MYCBP2: variants seen among roughly 807,000 people sequenced by gnomAD.
MYCBP2 encodes the protein MYC binding protein 2.
MYCBP2 carries 120 observed loss-of-function variants against 525.3 expected under a neutral mutation model. The observed-to-expected ratio is 0.23, with a 90% confidence interval of 0.20 to 0.27. The LOEUF is 0.27. Ranked by LOEUF, MYCBP2 falls within the 10% of genes least tolerant of loss-of-function variation. The pLI is 1.00. For synonymous variants in MYCBP2, 1,894 were observed against 1,955.8 expected, an observed-to-expected ratio of 0.97 and a Z score of 0.83; for missense variants, 4,149 against 5,657.1, an observed-to-expected ratio of 0.73 and a Z score of 8.55.
In MYCBP2 at chr13:77,185,456, T is replaced by A. The variant is rs1480249250; in HGVS notation, c.4445-79A>T. On this transcript the variant is annotated intron_variant, in intron 31 of 82. Transcript: ENST00000544440. ...AAAACAATCAATATAATTCAGTAAT[T>A]CCCTATACAGCTAAGTATCACAAGT... 3 of 1,393,342 alleles carry A rather than the reference T, an allele frequency of 2.2e-6. No individual in the cohort carries two copies. In the African/African-American group the frequency reaches 4.3e-5, roughly 20 times the overall value. The allele number at this position is 1,393,342 out of a possible 1,614,324, so 86.3% of individuals were successfully genotyped here. A position where few individuals can be genotyped will look rare whatever the true frequency, so the allele number is the denominator to read the frequency against.
At chr13:77,309,161 A>G (rs1045066490) in intron 1 of MYCBP2, among the ~76,000 whole-genome samples, 2 of 152,082 alleles carry the variant, frequency 1.3e-5, no homozygotes, top group Admixed American at 1.3e-4. Flanking sequence ...ATTTCTAAAT[A>G]CTCCCATGTC....
chr13:77,103,262 T>C, intron 55 of MYCBP2: 2 of 397,892 alleles, frequency 5.0e-6, no homozygotes, highest in East Asian at 3.6e-5. Flanking sequence ...AGCTACACCA[T>C]AATTTTTGTA....
chr13:77,141,323 T>C (rs561665416), intron 49 of MYCBP2, among the ~76,000 whole-genome samples: 1 of 152,320 alleles, frequency 6.6e-6, no homozygotes, highest in East Asian at 1.9e-4. Flanking sequence ...GTAGCATGGT[T>C]GTGAGAAGCT....
In MYCBP2 at chr13:77,278,875, T is replaced by A. The variant is rs2075898952; in HGVS notation, c.631A>T (p.Ile211Phe). 2 of 1,596,394 alleles carry A rather than the reference T, an allele frequency of 1.3e-6. No homozygotes were observed. The highest frequency in any genetic ancestry group is 1.7e-6 in the Non-Finnish European group (2 of 1,172,032). Reference protein sequence around the residue: ...EVGLCEVFELIKETRFSHPSL... With the variant: ...EVGLCEVFELFKETRFSHPSL... Reference sequence around the variant, plus strand: ...GGATGAGAAAATCGTGTCTCTTTGATCAATTCAAAAACTTCACAAAGGCCA... The same window carrying A: ...GGATGAGAAAATCGTGTCTCTTTGAACAATTCAAAAACTTCACAAAGGCCA... Residue 211 changes from isoleucine (I) to phenylalanine (F), a missense_variant, in exon 4 of 83, where the codon ATC becomes TTC. Transcript: ENST00000544440.
chr13:77,128,013 GA>G (rs1274394498), intron 52 of MYCBP2, among the ~76,000 whole-genome samples: 4 of 151,630 alleles, frequency 2.6e-5, no homozygotes, highest in Non-Finnish European at 5.9e-5. Context: ...AAATTTAACG[GA>G]AATGAGAATT....
In MYCBP2 at chr13:77,240,661, T is replaced by C. The variant is rs561768228; in HGVS notation, c.2629+2398A>G. On this transcript the variant is annotated intron_variant, in intron 17 of 82. Transcript: ENST00000544440. ...CAAAACATACAAGCAGGCATCACTT[T>C]GCATAGTGCTGTGTTAACTGAAACA... is the stretch of plus-strand genomic sequence containing the variant. Among the ~76,000 whole-genome samples, 3 of 152,224 alleles carry C rather than the reference T, an allele frequency of 2.0e-5. No homozygotes were observed. The South Asian group carries it at 6.2e-4, about 32-fold the overall frequency.
rs1491250598 is a variant in MYCBP2, at chr13:77,294,105, T to TATATATATATATATAC, written c.378+2493_378+2494insGTATATATATATATAT. Among the ~76,000 whole-genome samples, 50 of 7,902 alleles carry TATATATATATATATAC rather than the reference T, an allele frequency of 6.3e-3. 2 individuals are homozygous for TATATATATATATATAC. In the East Asian group the frequency reaches 0.068, roughly 11 times the overall value. 5.2% of individuals were successfully genotyped at this position (7,902 alleles called of 152,430 possible). A position where few individuals can be genotyped will look rare whatever the true frequency, so the allele number is the denominator to read the frequency against. ...ATAGCCATAAAGTAGATATAATGGC[T>TATATATATATATATAC]ATATATATATATATATATATATATA... On this transcript the variant is annotated intron_variant, in intron 2 of 82. Coordinates refer to ENST00000544440, the MANE Select transcript of MYCBP2 (RefSeq NM_015057.5).
At chr13:77,061,387 T>C (rs2039270532) in intron 75 of MYCBP2, 86 bp from the exon 76 acceptor site, 2 of 1,192,976 alleles carry the variant, frequency 1.7e-6, no homozygotes, top group Non-Finnish European at 2.3e-6. Flanking sequence ...TCAATAATAA[T>C]AATGGCTTTC....
At chr13:77,157,735 G>A (rs2057384142) in intron 45 of MYCBP2, among the ~76,000 whole-genome samples, 1 of 152,152 alleles carries the variant, frequency 6.6e-6, no homozygotes, top group African/African-American at 2.4e-5. Flanking sequence ...GGGCAACACA[G>A]TGAGACCCTC....
intron 68 of MYCBP2, among the ~76,000 whole-genome samples, chr13:77,075,181 C>T (rs1248754279): frequency 6.6e-6 from 1 of 152,112 alleles, no homozygotes; most frequent in Non-Finnish European, 1.5e-5. Context: ...GCACTCTATC[C>T]TGGATGACAG....
intron 47 of MYCBP2, among the ~76,000 whole-genome samples, chr13:77,149,568 T>A (rs2056151436): frequency 6.6e-6 from 1 of 152,156 alleles, no homozygotes; most frequent in African/African-American, 2.4e-5. Context: ...TGAATCCTTT[T>A]CTTGAGGTCA....
Position 77,181,768 on chromosome 13 carries a change from G to A in MYCBP2, c.4874C>T (p.Thr1625Ile). Reference protein sequence around the residue: ...LLRSIVKQVSTENDSTLVHRF... With the variant: ...LLRSIVKQVSIENDSTLVHRF... Reference sequence around the variant, plus strand: ...ATGAACTAGTGTTGAGTCGTTCTCTGTACTAACTTGTTTAACAATTGATCG... The same window carrying A: ...ATGAACTAGTGTTGAGTCGTTCTCTATACTAACTTGTTTAACAATTGATCG... Residue 1625 changes from threonine to isoleucine, a missense_variant, in exon 33 of 83, where the codon ACA becomes ATA. Coordinates refer to ENST00000544440, the MANE Select transcript of MYCBP2 (RefSeq NM_015057.5). The A allele has an allele frequency of 6.2e-7, 1 of 1,614,112 alleles. No homozygotes were observed. The highest frequency in any genetic ancestry group is 8.5e-7 in the Non-Finnish European group (1 of 1,179,988).
chr13:77,290,695 A>G (rs891584402), intron 2 of MYCBP2, among the ~76,000 whole-genome samples: 1 of 152,208 alleles, frequency 6.6e-6, no homozygotes, highest in African/African-American at 2.4e-5. Flanking sequence ...GGTTGCCAGA[A>G]GCTAAGGAGA....
chr13:77,095,408 A>G lies in MYCBP2; in HGVS notation c.10149T>C (p.Ser3383=). ...AAGGCATTTTCACAGGAAGATCCTC[A>G]GAAATGCCTTCTTTTACACTGGGCA... ...SQLPSVKEGI[S]EDLPVKMPCL... is the part of the protein sequence containing the mutation. The change falls in exon 58 of 83, where the codon TCT becomes TCC. Residue 3383 remains serine, a synonymous_variant. Transcript: ENST00000544440. 1 of 1,613,474 alleles carries G rather than the reference A, an allele frequency of 6.2e-7. No homozygotes were observed. The highest frequency in any genetic ancestry group is 8.5e-7 in the Non-Finnish European group (1 of 1,179,660).
intron 44 of MYCBP2, among the ~76,000 whole-genome samples, chr13:77,159,268 A>G (rs2057581396): frequency 1.3e-5 from 2 of 152,212 alleles, no homozygotes; most frequent in South Asian, 4.1e-4. Context: ...AATTCAAACT[A>G]AATAATGCAT....
chr13:77,065,687 T>C (rs1229101079), intron 72 of MYCBP2, among the ~76,000 whole-genome samples: 1 of 152,210 alleles, frequency 6.6e-6, no homozygotes, highest in Non-Finnish European at 1.5e-5. Flanking sequence ...CCTCTTTTTT[T>C]CCTTTAGGTT....
chr13:77,089,079 T>C (rs760480776), intron 60 of MYCBP2, 48 bp from the exon 61 acceptor site: 2 of 1,330,774 alleles, frequency 1.5e-6, no homozygotes, highest in South Asian at 2.8e-5. Context: ...AGTGCATATA[T>C]ATTTAAGATA....
Position 77,144,493 on chromosome 13 carries a change from C to A in MYCBP2, c.7255G>T (p.Ala2419Ser), listed in dbSNP as rs1276238906. ...ACATGAAGAGTGTAGAGTCCAATAG[C>A]CCCTGGAGTCCAATTTGCACAATAA... ...GTYCANWTPG[A>S]IGLYTLHVTI... Residue 2419 changes from alanine to serine, a missense_variant, in exon 49 of 83, where the codon GCT (alanine) becomes TCT (serine). Transcript: ENST00000544440. The A allele has an allele frequency of 3.7e-6, 6 of 1,613,662 alleles. No individual in the cohort carries two copies. The highest frequency in any genetic ancestry group is 5.1e-6 in the Non-Finnish European group (6 of 1,179,820).
Position 77,081,869 on chromosome 13 carries a change from T to C in MYCBP2, c.11161A>G (p.Ser3721Gly), listed in dbSNP as rs576723449. 6.2e-7 allele frequency: 1 copy of C among 1,613,732 alleles called. No individual in the cohort carries two copies. The highest frequency in any genetic ancestry group is 8.5e-7 in the Non-Finnish European group (1 of 1,179,772). The change falls in exon 64 of 83, where the codon AGT (serine) becomes GGT (glycine). Residue 3721 changes from serine to glycine, a missense_variant. This residue lies in a region of MYCBP2 where 509 missense variants were observed against 789.4 expected (regional missense o/e 0.64). Transcript: ENST00000544440. The surrounding 1 kb of genome is among the most constrained non-coding windows in gnomAD (Gnocchi z 4.6). ...ATAGCTTCAAAGCCAGACTGTATAC[T>C]GATGCTAAAACTCTCTTCACTATCG... ...DGDSEESFSI[S>G]IQSGFEAMSQ...
Sources: gnomAD v4.1 joint callset for allele counts (sites outside exome capture counted in the v4.1 genomes callset) on GRCh38, gnomAD v4.1.1 for gene constraint, gnomAD v4.1.1 regional missense constraint, Gnocchi (gnomAD v3.1) non-coding constraint, MANE v1.5 for transcripts, NCBI Gene and HGNC (gene_info 2026-07-23, HGNC 2026-07-21) for gene names.